The following C4orf36 variants were observed in gnomAD, a reference collection of about 807,000 sequenced individuals.
The protein encoded by C4orf36 is chromosome 4 open reading frame 36.
Under a neutral mutation model 12.2 loss-of-function variants are expected in C4orf36, and 11 were observed. That is an observed-to-expected ratio of 0.90 (90% CI 0.57 to 1.49). C4orf36 has a LOEUF of 1.49. Among genes scored for constraint, C4orf36 ranks in the 40% most tolerant of loss-of-function variants. The pLI, the probability that C4orf36 is intolerant of heterozygous loss-of-function variation, is 0.00. For missense variants in C4orf36, 137 were observed against 133.9 expected, an observed-to-expected ratio of 1.02 and a Z score of -0.11; for synonymous variants, 54 against 51.3, an observed-to-expected ratio of 1.05 and a Z score of -0.22.
At chr4:86,901,654 G>A in the C4orf36 span, among the ~76,000 whole-genome samples, 27 of 149,750 alleles carry the variant, frequency 1.8e-4, no homozygotes, top group African/African-American at 5.4e-4. Context: ...CTCGTGATCT[G>A]CCCGCCTCGG....
chr4:86,905,816 C>T, the C4orf36 span, among the ~76,000 whole-genome samples: 1 of 151,228 alleles, frequency 6.6e-6, no homozygotes, highest in Non-Finnish European at 1.5e-5. Flanking sequence ...CTCCAAGGTT[C>T]AAGCAATTCT....
the C4orf36 span, chr4:86,913,583 C>T: frequency 1.6e-6 from 2 of 1,282,812 alleles, no homozygotes; most frequent in South Asian, 2.6e-5. Flanking sequence ...AGCCACCACT[C>T]TGTTCTCTGA....
chr4:86,891,466 A>G lies in C4orf36; in HGVS notation c.55T>C (p.Cys19Arg), dbSNP rs1413627527. 5 of 1,613,796 alleles carry G rather than the reference A, an allele frequency of 3.1e-6. No homozygotes were observed. Among genetic ancestry groups the G allele is most frequent in the Non-Finnish European group, 4.2e-6 (5 of 1,179,972 alleles). The change falls in exon 2 of 5, where the codon TGT (cysteine) becomes CGT (arginine). Residue 19 changes from cysteine to arginine, a missense_variant. Transcript: ENST00000295898. ...NTVKTILRGS[C>R]YNVQEPWDIA... ...AAAAATAGTACTTACACATTATAAC[A>G]ACTGCCCCGCAAAATGGTTTTCACT...
At chr4:86,887,062 A>G (rs1414131454) in intron 4 of C4orf36, 1 of 150,612 alleles carries the variant, frequency 6.6e-6, no homozygotes, top group Non-Finnish European at 1.5e-5. Flanking sequence ...GAATTGAAAA[A>G]TGAGAACACT....
rs375185505 is a variant in C4orf36, at chr4:86,879,299, C to T, written c.*3-2856G>A. ...GTGAGCTAACAGAGAAGATAAACAACTAAAAATCAGGAAAATGATACATGT... is the reference window on the plus strand; with the variant it reads ...GTGAGCTAACAGAGAAGATAAACAATTAAAAATCAGGAAAATGATACATGT... On this transcript the variant is annotated intron_variant, in intron 4 of 4. Transcript: ENST00000295898. 7.2e-5 allele frequency among the ~76,000 whole-genome samples: 11 copies of T among 152,114 alleles called. No individual in the cohort carries two copies. The East Asian group carries it at 7.7e-4, about 11-fold the overall frequency.
At chr4:86,929,536 T>C in the C4orf36 span, among the ~76,000 whole-genome samples, 1 of 152,040 alleles carries the variant, frequency 6.6e-6, no homozygotes, top group East Asian at 1.9e-4. Flanking sequence ...GATCCTCTTT[T>C]CAAAAAAGAG....
intron 4 of C4orf36, among the ~76,000 whole-genome samples, chr4:86,885,378 C>T (rs958761661): frequency 6.6e-6 from 1 of 152,102 alleles, no homozygotes; most frequent in Non-Finnish European, 1.5e-5. Flanking sequence ...TTTCGTTGAG[C>T]AGTGGTTTGT....
chr4:86,893,494 G>A (rs1747505220), upstream of C4orf36, among the ~76,000 whole-genome samples: 1 of 151,878 alleles, frequency 6.6e-6, no homozygotes, highest in South Asian at 2.1e-4. Context: ...GCTCAGACAG[G>A]AGAATTGCTT....
the C4orf36 span, among the ~76,000 whole-genome samples, chr4:86,916,569 A>G: frequency 6.6e-6 from 1 of 152,172 alleles, no homozygotes; most frequent in Non-Finnish European, 1.5e-5. Flanking sequence ...CTGACCCCTG[A>G]TATGGCACCA....
At chr4:86,913,293 G>A in the C4orf36 span, 1 of 698,020 alleles carries the variant, frequency 1.4e-6, no homozygotes, top group Non-Finnish European at 2.6e-6. Flanking sequence ...CGAGAGTCTT[G>A]AAATCCTAAA....
intron 4 of C4orf36, among the ~76,000 whole-genome samples, chr4:86,882,266 T>C (rs1747069033): frequency 6.6e-6 from 1 of 152,200 alleles, no homozygotes; most frequent in Admixed American, 6.5e-5. Context: ...TTCCATCTTT[T>C]CTCAAGGAAT....
chr4:86,933,031 A>G, the C4orf36 span: 1 of 152,166 alleles, frequency 6.6e-6, no homozygotes, highest in African/African-American at 2.4e-5. Flanking sequence ...TTTAAAAAGT[A>G]GATATAAAAA....
intron 4 of C4orf36, among the ~76,000 whole-genome samples, chr4:86,883,286 G>T (rs1288408253): frequency 1.3e-5 from 2 of 152,164 alleles, no homozygotes; most frequent in Admixed American, 6.5e-5. Flanking sequence ...AAAGAGAAAT[G>T]ATCAGGATTT....
chr4:86,923,401 T>G, the C4orf36 span, among the ~76,000 whole-genome samples: 2 of 152,124 alleles, frequency 1.3e-5, no homozygotes, highest in Admixed American at 1.3e-4. Context: ...TCTGGTATTC[T>G]TTAGAGTTAT....
chr4:86,911,660 T>C, the C4orf36 span, among the ~76,000 whole-genome samples: 1 of 152,146 alleles, frequency 6.6e-6, no homozygotes, highest in Non-Finnish European at 1.5e-5. Context: ...TTACTTACAT[T>C]CTTTGTCTGT....
At chr4:86,922,188 A>G in the C4orf36 span, among the ~76,000 whole-genome samples, 4 of 152,340 alleles carry the variant, frequency 2.6e-5, no homozygotes, top group South Asian at 8.3e-4. Flanking sequence ...TTAATCTACT[A>G]TATTCCACCA....
the C4orf36 span, among the ~76,000 whole-genome samples, chr4:86,918,558 T>C: frequency 6.6e-6 from 1 of 152,166 alleles, no homozygotes; most frequent in African/African-American, 2.4e-5. Flanking sequence ...GTCCACTACA[T>C]TGGAAGATGA....
At chr4:86,901,952 A>C in the C4orf36 span, among the ~76,000 whole-genome samples, 1 of 152,226 alleles carries the variant, frequency 6.6e-6, no homozygotes, top group Admixed American at 6.5e-5. Context: ...CCAACTTTGC[A>C]GGTGACCTCA....
the C4orf36 span, among the ~76,000 whole-genome samples, chr4:86,929,498 C>T: frequency 6.6e-6 from 1 of 152,160 alleles, no homozygotes; most frequent in Non-Finnish European, 1.5e-5. Context: ...CTTTGGATCT[C>T]TCTGACTTAC....
Sources: gnomAD v4.1 joint callset for allele counts (sites outside exome capture counted in the v4.1 genomes callset) on GRCh38, gnomAD v4.1.1 for gene constraint, MANE v1.5 for transcripts, NCBI Gene and HGNC (gene_info 2026-07-23, HGNC 2026-07-21) for gene names.